TTYH1: variants seen among roughly 807,000 people sequenced by gnomAD.
TTYH1 encodes tweety family member 1, also known as protein tweety homolog 1.
TTYH1 carries 33 observed loss-of-function variants against 61.2 expected under a neutral mutation model. That is an observed-to-expected ratio of 0.54 (90% CI 0.41 to 0.72). TTYH1 has a LOEUF of 0.72. Among genes scored for constraint, TTYH1 ranks in the 30% least tolerant of loss-of-function variants. The pLI is 0.00. For missense variants in TTYH1, 538 were observed against 575.8 expected, an observed-to-expected ratio of 0.93 and a Z score of 0.67; for synonymous variants, 308 against 266.4, an observed-to-expected ratio of 1.16 and a Z score of -1.52.
Position 54,436,253 on chromosome 19 carries a change from TGC to T in TTYH1, c.*43-78_*43-77del, listed in dbSNP as rs2083550118. 1 of 1,607,810 alleles carries T rather than the reference TGC, an allele frequency of 6.2e-7. No individual in the cohort carries two copies. The highest frequency in any genetic ancestry group is 1.1e-5 in the South Asian group (1 of 90,864). On this transcript the variant is annotated intron_variant, in intron 13 of 13. Coordinates refer to ENST00000376530, the MANE Select transcript of TTYH1 (RefSeq NM_020659.4). The surrounding 1 kb of genome is among the most constrained non-coding windows in gnomAD (Gnocchi z 4.3). ...CCTCCGAGCTGCTCCAGGCATGGGC[TGC>T]GTGCCTCCTGCTGGGTGGATCGCAC...
At chr19:54,435,942 A>T in intron 12 of TTYH1, 69 bp downstream of exon 12, 7 of 1,588,714 alleles carry the variant, frequency 4.4e-6, no homozygotes, top group Non-Finnish European at 6.0e-6. Flanking sequence ...AGGGAGGAGG[A>T]GCTGAGGGCC....
At chr19:54,422,514 GGAGT>G in intron 4 of TTYH1, 104 bp downstream of exon 4, 1 of 997,840 alleles carries the variant, frequency 1.0e-6, no homozygotes, top group Non-Finnish European at 1.5e-6. Flanking sequence ...TGACAGCTGG[GGAGT>G]GTGTGCGCAC....
At position 54,429,986 on chromosome 19, in the gene TTYH1, C is replaced by G; in HGVS notation, c.883+29C>G. On this transcript the variant is annotated intron_variant, in intron 7 of 13. Transcript: ENST00000376530. This position sits in a 1 kb window ranked among gnomAD's most constrained non-coding sequence, Gnocchi z 5.1. Reference sequence around the variant, plus strand: ...ATTTCCAAGGGCCCGGTGGGTCCGCCGGGTTGGGCAGTGCAGGCCCTGGCT... The same window carrying G: ...ATTTCCAAGGGCCCGGTGGGTCCGCGGGGTTGGGCAGTGCAGGCCCTGGCT... The G allele has an allele frequency of 6.2e-7, 1 of 1,603,778 alleles. No individual in the cohort carries two copies. Among genetic ancestry groups the G allele is most frequent in the Non-Finnish European group, 8.5e-7 (1 of 1,171,370 alleles).
chr19:54,418,506 C>G (rs1298720581), intron 1 of TTYH1: 1 of 151,692 alleles, frequency 6.6e-6, no homozygotes, highest in Non-Finnish European at 1.5e-5. Context: ...CTCTCTCTTT[C>G]TGTTCTGTCT....
Position 54,416,145 on chromosome 19 carries a change from G to A in TTYH1, c.126+467G>A. ...TGGCGGGGAAAACGCTGGCTGCTGC[G>A]GTGCTGGGATGGGATTGAGAGTCTG... On this transcript the variant is annotated intron_variant, in intron 1 of 13. Transcript: ENST00000376530. The surrounding 1 kb of genome is among the most constrained non-coding windows in gnomAD (Gnocchi z 7.0). The A allele has an allele frequency of 8.7e-7, 1 of 1,150,976 alleles. No individual in the cohort carries two copies. The highest frequency in any genetic ancestry group is 1.3e-5 in the South Asian group (1 of 77,590). The allele number at this position is 1,150,976 out of a possible 1,614,324, so 71.3% of individuals were successfully genotyped here.
At chr19:54,422,467 G>T in intron 4 of TTYH1, 57 bp downstream of exon 4, 3 of 1,424,812 alleles carry the variant, frequency 2.1e-6, no homozygotes, top group Non-Finnish European at 2.8e-6. Context: ...GAGTCCCCGG[G>T]GGGACAGTTG....
Position 54,416,148 on chromosome 19 carries a change from G to A in TTYH1, c.126+470G>A. 3.6e-6 allele frequency: 4 copies of A among 1,123,564 alleles called. 1 individual carries two copies. In the South Asian group the frequency reaches 5.2e-5, roughly 15 times the overall value. The allele number at this position is 1,123,564 out of a possible 1,614,324, so 69.6% of individuals were successfully genotyped here. A position where few individuals can be genotyped will look rare whatever the true frequency, so the allele number is the denominator to read the frequency against. On this transcript the variant is annotated intron_variant, in intron 1 of 13. Coordinates refer to ENST00000376530, the MANE Select transcript of TTYH1 (RefSeq NM_020659.4). This position sits in a 1 kb window ranked among gnomAD's most constrained non-coding sequence, Gnocchi z 7.0. ...CGGGGAAAACGCTGGCTGCTGCGGTGCTGGGATGGGATTGAGAGTCTGAAA... is the reference window on the plus strand; with the variant it reads ...CGGGGAAAACGCTGGCTGCTGCGGTACTGGGATGGGATTGAGAGTCTGAAA...
At chr19:54,435,766 G>C in intron 11 of TTYH1, 62 bp from the exon 12 acceptor site, 1 of 1,612,982 alleles carries the variant, frequency 6.2e-7, no homozygotes, top group Non-Finnish European at 8.5e-7. Flanking sequence ...TGGGGGTGGG[G>C]GGTGCAGCCT....
intron 10 of TTYH1, chr19:54,431,656 G>C: frequency 5.5e-6 from 1 of 181,236 alleles, no homozygotes; most frequent in Non-Finnish European, 1.2e-5. Context: ...TATAAACCTG[G>C]GATTGCAAGA....
Position 54,419,056 on chromosome 19 carries a change from C to A in TTYH1, c.127-72C>A. 6.8e-7 allele frequency: 1 copy of A among 1,473,396 alleles called. No homozygotes were observed. The highest frequency in any genetic ancestry group is 9.2e-7 in the Non-Finnish European group (1 of 1,088,388). 91.3% of individuals were successfully genotyped at this position (1,473,396 alleles called of 1,614,324 possible). On this transcript the variant is annotated intron_variant, in intron 1 of 13. Coordinates refer to ENST00000376530, the MANE Select transcript of TTYH1 (RefSeq NM_020659.4). This position sits in a 1 kb window ranked among gnomAD's most constrained non-coding sequence, Gnocchi z 6.1. ...ACATCCCAGACCCCGACCCCCCAGC[C>A]ACGCAGGAAGGGGGATCTGAGTGTG...
rs1263141804 is a variant in TTYH1 at position 54,421,817 on chromosome 19, C to T, written c.418-373C>T. Among the ~76,000 whole-genome samples the T allele has an allele frequency of 2.0e-5, 3 of 152,168 alleles. No homozygotes were observed. Among genetic ancestry groups the T allele is most frequent in the African/African-American group, 4.8e-5 (2 of 41,450 alleles). Reference sequence around the variant, plus strand: ...CTGGGGCTGAGGCCTGGCCCCACTTCATGCCTTAGATTCCATGTCCAGCTG... The same window carrying T: ...CTGGGGCTGAGGCCTGGCCCCACTTTATGCCTTAGATTCCATGTCCAGCTG... On this transcript the variant is annotated intron_variant, in intron 3 of 13. Transcript: ENST00000376530. This position sits in a 1 kb window ranked among gnomAD's most constrained non-coding sequence, Gnocchi z 4.8.
At position 54,429,216 on chromosome 19, in the gene TTYH1, TG is replaced by T; in HGVS notation, c.735-85del. 6.8e-6 allele frequency: 8 copies of T among 1,181,404 alleles called. No homozygotes were observed. The highest frequency in any genetic ancestry group is 1.0e-5 in the Non-Finnish European group (8 of 795,958). The allele number at this position is 1,181,404 out of a possible 1,614,324, so 73.2% of individuals were successfully genotyped here. On this transcript the variant is annotated intron_variant, in intron 5 of 13. Coordinates refer to ENST00000376530, the MANE Select transcript of TTYH1 (RefSeq NM_020659.4). The surrounding 1 kb of genome is among the most constrained non-coding windows in gnomAD (Gnocchi z 5.1). ...TCCAGGCTCCAGAGGTGGGTGGAGG[TG>T]GGGGGCGGCTGTGATGGGATTTGGG... is the stretch of plus-strand genomic sequence containing the variant.
At chr19:54,425,389 C>T (rs574549746) in intron 4 of TTYH1, among the ~76,000 whole-genome samples, 3 of 152,284 alleles carry the variant, frequency 2.0e-5, no homozygotes, top group Admixed American at 1.3e-4. Flanking sequence ...AGTGGGTAGC[C>T]GTTGCTGGCT....
intron 10 of TTYH1, chr19:54,432,219 C>CACAAACAA (rs370479863): frequency 6.6e-6 from 1 of 152,596 alleles, no homozygotes; most frequent in African/African-American, 2.4e-5. Context: ...GAAACTCTGT[C>CACAAACAA]ACAAACAAAC....
chr19:54,431,204 C>T lies in TTYH1; in HGVS notation c.1125+13C>T. The T allele has an allele frequency of 6.2e-7, 1 of 1,603,870 alleles. No individual in the cohort carries two copies. The highest frequency in any genetic ancestry group is 8.5e-7 in the Non-Finnish European group (1 of 1,170,804). On this transcript the variant is annotated intron_variant, in intron 10 of 13. Transcript: ENST00000376530. ...CAGCCTGCACAAGGTGAAGCCCCTC[C>T]CCTCCCAATTTCTTCTCCCACGGGG...
At position 54,416,922 on chromosome 19, in the gene TTYH1, G is replaced by A; in HGVS notation, c.126+1244G>A. On this transcript the variant is annotated intron_variant, in intron 1 of 13. Transcript: ENST00000376530. This position sits in a 1 kb window ranked among gnomAD's most constrained non-coding sequence, Gnocchi z 7.0. ...GGATCCGCGGCCCCAGTCACCGCCA[G>A]AGGCACGGGTTTGGGGGAGCCTCAC... 1 of 1,280,964 alleles carries A rather than the reference G, an allele frequency of 7.8e-7. No individual in the cohort carries two copies. Among genetic ancestry groups the A allele is most frequent in the Non-Finnish European group, 1.0e-6 (1 of 983,392 alleles). 79.3% of individuals were successfully genotyped at this position (1,280,964 alleles called of 1,614,324 possible).
Position 54,416,890 on chromosome 19 carries a change from C to G in TTYH1, c.126+1212C>G. 3 of 1,288,674 alleles carry G rather than the reference C, an allele frequency of 2.3e-6. No homozygotes were observed. The highest frequency in any genetic ancestry group is 3.0e-6 in the Non-Finnish European group (3 of 986,612). The allele number at this position is 1,288,674 out of a possible 1,614,324, so 79.8% of individuals were successfully genotyped here. A position where few individuals can be genotyped will look rare whatever the true frequency, so the allele number is the denominator to read the frequency against. On this transcript the variant is annotated intron_variant, in intron 1 of 13. Transcript: ENST00000376530. The surrounding 1 kb of genome is among the most constrained non-coding windows in gnomAD (Gnocchi z 7.0). Reference sequence around the variant, plus strand: ...CTGGCCCGGAGACCTCCCGAAGCCGCACGCGGGGATCCGCGGCCCCAGTCA... The same window carrying G: ...CTGGCCCGGAGACCTCCCGAAGCCGGACGCGGGGATCCGCGGCCCCAGTCA...
At chr19:54,433,543 G>A (rs1239911369) in intron 10 of TTYH1, 2 of 140,364 alleles carry the variant, frequency 1.4e-5, no homozygotes, top group African/African-American at 5.4e-5. Flanking sequence ...CGGGGTGACA[G>A]AGCGAGAATC....
chr19:54,423,198 ATTT>A (rs1175182125), intron 4 of TTYH1, among the ~76,000 whole-genome samples: 2 of 132,976 alleles, frequency 1.5e-5, no homozygotes, highest in Non-Finnish European at 1.6e-5. Context: ...GTTCAGCACT[ATTT>A]TTTTTTTTTT....
Sources: allele counts gnomAD v4.1 joint callset (sites outside exome capture counted in the v4.1 genomes callset), GRCh38; gene constraint gnomAD v4.1.1; non-coding constraint Gnocchi (gnomAD v3.1); transcripts MANE v1.5; gene names NCBI Gene and HGNC (gene_info 2026-07-23, HGNC 2026-07-21).